Variants in HERC2 observed in about 807,000 individuals in gnomAD.
HERC2 encodes E3 ubiquitin-protein ligase HERC2.
Under a neutral mutation model 537.7 loss-of-function variants are expected in HERC2, and 102 were observed. The ratio of observed to expected loss-of-function variants is 0.19; its 90% CI spans 0.16 to 0.22. The LOEUF (loss-of-function observed/expected upper bound fraction) is 0.22, where lower values mean the gene tolerates loss of function less well. Ranked by LOEUF, HERC2 falls within the 10% of genes least tolerant of loss-of-function variation. HERC2 has a pLI of 1.00. For missense variants in HERC2, 4,236 were observed against 6,198.2 expected, an observed-to-expected ratio of 0.68 and a Z score of 10.63; for synonymous variants, 2,224 against 2,466.2, an observed-to-expected ratio of 0.90 and a Z score of 2.91.
intron 50 of HERC2, among the ~76,000 whole-genome samples, chr15:28,197,185 C>A (rs1897423339): frequency 6.6e-6 from 1 of 152,186 alleles, no homozygotes; most frequent in Non-Finnish European, 1.5e-5. Context: ...CCAACTGTGG[C>A]CATTTTCTAA....
chr15:28,263,271 C>T (rs2075462741), intron 14 of HERC2, 102 bp from the exon 15 acceptor site: 8 of 1,285,202 alleles, frequency 6.2e-6, no homozygotes, highest in Non-Finnish European at 8.6e-6. Context: ...CTAATCTAGA[C>T]CACTCAGGTA....
At chr15:28,187,478 C>T (rs1444166217) in intron 55 of HERC2, among the ~76,000 whole-genome samples, 3 of 152,100 alleles carry the variant, frequency 2.0e-5, no homozygotes, top group Middle Eastern at 3.4e-3. Context: ...ACCACAGGCA[C>T]TTGCCACCAC....
chr15:28,240,294 TG>T (rs1200634059), intron 23 of HERC2, among the ~76,000 whole-genome samples: 1 of 152,174 alleles, frequency 6.6e-6, no homozygotes, highest in Non-Finnish European at 1.5e-5. Flanking sequence ...GGCAGGCGCC[TG>T]TAGTCCCAGC....
chr15:28,303,201 C>A (rs570150673), intron 2 of HERC2, among the ~76,000 whole-genome samples: 1 of 152,316 alleles, frequency 6.6e-6, no homozygotes, highest in Admixed American at 6.5e-5. Context: ...AGATAGCGGT[C>A]TAGTTTCATT....
At chr15:28,160,196 A>G (rs1409121441) in intron 69 of HERC2, among the ~76,000 whole-genome samples, 1 of 152,158 alleles carries the variant, frequency 6.6e-6, no homozygotes, top group Non-Finnish European at 1.5e-5. Context: ...CCACTTGAGG[A>G]GGCAGTCTGT....
At position 28,116,997 on chromosome 15, in the gene HERC2, C is replaced by G; in HGVS notation, c.13414+16G>C. On this transcript the variant is annotated intron_variant, in intron 87 of 92. Coordinates refer to ENST00000261609, the MANE Select transcript of HERC2 (RefSeq NM_004667.6). ...TGCCGGGGACACAGGTGCTCCAGCA[C>G]GTGGCAAGTTCTCACCCACAAACTT... The G allele has an allele frequency of 6.2e-7, 1 of 1,614,024 alleles. No individual in the cohort carries two copies. The highest frequency in any genetic ancestry group is 8.5e-7 in the Non-Finnish European group (1 of 1,180,012).
intron 86 of HERC2, among the ~76,000 whole-genome samples, chr15:28,120,342 T>C (rs900176595): frequency 3.9e-5 from 6 of 152,178 alleles, no homozygotes; most frequent in Admixed American, 6.6e-5. Context: ...TCTGAAAACA[T>C]TTCTAGTCTT....
intron 66 of HERC2, among the ~76,000 whole-genome samples, chr15:28,169,181 A>G (rs2140098867): frequency 6.6e-6 from 1 of 152,360 alleles, no homozygotes; most frequent in Middle Eastern, 3.4e-3. Flanking sequence ...CTTAGACATC[A>G]CTATAAATTA....
rs781744429 is a variant in HERC2, at chr15:28,321,384, T to G, written c.50A>C (p.Lys17Thr). 5.6e-6 allele frequency: 5 copies of G among 886,528 alleles called. No homozygotes were observed. The highest frequency in any genetic ancestry group is 1.7e-5 in the Admixed American group (1 of 57,782). The allele number at this position is 886,528 out of a possible 1,614,324, so 54.9% of individuals were successfully genotyped here. Reference sequence around the variant, plus strand: ...CACCTGTATATCTGTTTTCAACCATTTGGAGTCGAGGCGAGCCTGGGCAGC... The same window carrying G: ...CACCTGTATATCTGTTTTCAACCATGTGGAGTCGAGGCGAGCCTGGGCAGC... ...CLAAQARLDS[K>T]WLKTDIQLAF... The change falls in exon 2 of 93, where the codon AAA becomes ACA. Residue 17 changes from lysine to threonine, a missense_variant. Transcript: ENST00000261609.
intron 2 of HERC2, among the ~76,000 whole-genome samples, chr15:28,315,177 A>G (rs774821799): frequency 6.6e-6 from 1 of 152,358 alleles, no homozygotes; most frequent in East Asian, 1.9e-4. Context: ...AAAATAGTCC[A>G]AGGAGGAAAG....
In HERC2 at chr15:28,178,359, T is replaced by C. The variant is rs139302085; in HGVS notation, c.9163+528A>G. Among the ~76,000 whole-genome samples, 105 of 152,320 alleles carry C rather than the reference T, an allele frequency of 6.9e-4. 1 individual carries two copies. Among genetic ancestry groups the C allele is most frequent in the African/African-American group, 2.4e-3 (99 of 41,570 alleles). ...GGACACAAAGGACCAGCACTCCTCA[T>C]AGACACAGCCCTGCTGGACAGACTC... On this transcript the variant is annotated intron_variant, in intron 59 of 92. Transcript: ENST00000261609.
chr15:28,150,712 C>A (rs751024497), intron 70 of HERC2, among the ~76,000 whole-genome samples: 1 of 151,026 alleles, frequency 6.6e-6, no homozygotes, highest in Non-Finnish European at 1.5e-5. Flanking sequence ...AAAAAACACA[C>A]GCGGCTTCTA....
chr15:28,198,065 C>T (rs1010383062), intron 50 of HERC2, among the ~76,000 whole-genome samples: 20 of 152,284 alleles, frequency 1.3e-4, no homozygotes, highest in African/African-American at 4.8e-4. Context: ...ATTACCCCTG[C>T]TTTCTCGACC....
At chr15:28,115,040 A>G (rs1888064011) in intron 89 of HERC2, among the ~76,000 whole-genome samples, 1 of 151,958 alleles carries the variant, frequency 6.6e-6, no homozygotes, top group Admixed American at 6.6e-5. Context: ...CCACCGAGAA[A>G]GTTACAGCAA....
intron 85 of HERC2, among the ~76,000 whole-genome samples, chr15:28,123,298 T>G (rs915438457): frequency 6.6e-6 from 1 of 152,240 alleles, no homozygotes; most frequent in Non-Finnish European, 1.5e-5. Context: ...TGGGCCATAA[T>G]ATTCGACAAC....
chr15:28,266,006 C>T, intron 12 of HERC2, 32 bp from the exon 13 acceptor site: 1 of 1,607,900 alleles, frequency 6.2e-7, no homozygotes, highest in East Asian at 2.2e-5. Context: ...CATGAATGCC[C>T]TTCTTCTTGG....
chr15:28,122,410 G>A lies in HERC2; in HGVS notation c.13189-981C>T, dbSNP rs1031355206. Among the ~76,000 whole-genome samples the A allele has an allele frequency of 6.6e-6, 1 of 152,208 alleles. No homozygotes were observed. The highest frequency in any genetic ancestry group is 1.5e-5 in the Non-Finnish European group (1 of 68,024). ...ACAAGGGTCCCTCAGTGGAGGCTGA[G>A]CCCTTGCCCAGCTCAAAGCCTAAGA... is the stretch of plus-strand genomic sequence containing the variant. On this transcript the variant is annotated intron_variant, in intron 85 of 92. Coordinates refer to ENST00000261609, the MANE Select transcript of HERC2 (RefSeq NM_004667.6). The surrounding 1 kb of genome is among the most constrained non-coding windows in gnomAD (Gnocchi z 4.1).
At chr15:28,129,180 A>G (rs1324515210) in intron 83 of HERC2, among the ~76,000 whole-genome samples, 2 of 152,158 alleles carry the variant, frequency 1.3e-5, no homozygotes, top group Admixed American at 6.5e-5. Context: ...CATGACTTAC[A>G]AGACTCAGCA....
rs749284104 is a variant in HERC2 at position 28,265,813 on chromosome 15, G to T, written c.1756+4C>A. ...ATGCTCCCACTCATGCAGAGCAGAC[G>T]TACCATGGCCCAGCCGGCCGTAGTT... On this transcript the variant is annotated splice_donor_region_variant and intron_variant, in intron 13 of 92. Transcript: ENST00000261609. The surrounding 1 kb of genome is among the most constrained non-coding windows in gnomAD (Gnocchi z 4.0). The T allele has an allele frequency of 6.2e-7, 1 of 1,614,154 alleles. No homozygotes were observed. Among genetic ancestry groups the T allele is most frequent in the South Asian group, 1.1e-5 (1 of 91,084 alleles).
Sources: allele counts gnomAD v4.1 joint callset (sites outside exome capture counted in the v4.1 genomes callset), GRCh38; gene constraint gnomAD v4.1.1; non-coding constraint Gnocchi (gnomAD v3.1); transcripts MANE v1.5; gene names NCBI Gene and HGNC (gene_info 2026-07-23, HGNC 2026-07-21).